VNN1: variants seen among roughly 807,000 people sequenced by gnomAD.
The protein encoded by VNN1 is pantetheinase.
Under a neutral mutation model 41.9 loss-of-function variants are expected in VNN1, and 29 were observed. That is an observed-to-expected ratio of 0.69 (90% CI 0.52 to 0.94). The LOEUF is 0.94. Ranked by LOEUF, VNN1 falls within the 40% of genes least tolerant of loss-of-function variation. The pLI is 0.00. For missense variants in VNN1, 637 were observed against 621.1 expected (o/e 1.03, Z -0.27); for synonymous variants, 233 against 224.4 (o/e 1.04, Z -0.34).
intron 4 of VNN1, 148 bp from the exon 5 acceptor site, chr6:132,692,732 CAG>C (rs1778311077): frequency 8.3e-7 from 1 of 1,208,134 alleles, no homozygotes. Flanking sequence ...CTGATAAAGA[CAG>C]AGAAGTGAGA....
intron 2 of VNN1, among the ~76,000 whole-genome samples, chr6:132,696,454 A>G (rs2114352614): frequency 6.6e-6 from 1 of 152,306 alleles, no homozygotes; most frequent in East Asian, 1.9e-4. Context: ...TAAAGATCCA[A>G]GAAGCTCAAC....
intron 2 of VNN1, among the ~76,000 whole-genome samples, chr6:132,707,904 G>C (rs1264397350): frequency 1.3e-5 from 2 of 152,068 alleles, no homozygotes; most frequent in Non-Finnish European, 2.9e-5. Flanking sequence ...TAACTTAATT[G>C]TACATTTTTA....
At chr6:132,703,203 T>C (rs1482103926) in intron 2 of VNN1, among the ~76,000 whole-genome samples, 1 of 151,956 alleles carries the variant, frequency 6.6e-6, no homozygotes, top group Non-Finnish European at 1.5e-5. Flanking sequence ...CAATAACCAA[T>C]AAGAAAGCAT....
At chr6:132,694,864 T>C (rs1778345905) in intron 2 of VNN1, among the ~76,000 whole-genome samples, 1 of 151,666 alleles carries the variant, frequency 6.6e-6, no homozygotes, top group African/African-American at 2.4e-5. Context: ...AAAAACAAAT[T>C]TTGGGGGGCC....
Position 132,684,500 on chromosome 6 carries a change from A to C in VNN1, c.1194T>G (p.Cys398Trp), listed in dbSNP as rs1182278912. ...TVEGRYYLQI[C>W]TLLKCKTTNL... is the part of the protein sequence containing the mutation. Reference sequence around the variant, plus strand: ...TAGTCGTTTTACATTTCAACAGGGTACAAATCTAGGGAAGTCATGAAAACC... The same window carrying C: ...TAGTCGTTTTACATTTCAACAGGGTCCAAATCTAGGGAAGTCATGAAAACC... The change falls in exon 6 of 7, where the codon TGT (cysteine) becomes TGG (tryptophan). Residue 398 changes from cysteine (C) to tryptophan (W), a missense_variant. Coordinates refer to ENST00000367928, the MANE Select transcript of VNN1 (RefSeq NM_004666.3). 6.2e-7 allele frequency: 1 copy of C among 1,613,770 alleles called. No homozygotes were observed. The highest frequency in any genetic ancestry group is 1.3e-5 in the African/African-American group (1 of 74,932).
intron 2 of VNN1, among the ~76,000 whole-genome samples, chr6:132,698,383 AC>A (rs1778402073): frequency 6.6e-6 from 1 of 152,242 alleles, no homozygotes; most frequent in African/African-American, 2.4e-5. Context: ...AACACAAAGC[AC>A]TATATTGGAC....
intron 2 of VNN1, among the ~76,000 whole-genome samples, chr6:132,702,924 A>G (rs1399781628): frequency 6.6e-6 from 1 of 152,210 alleles, no homozygotes; most frequent in Non-Finnish European, 1.5e-5. Flanking sequence ...TGCTGGTTTC[A>G]GGTGTGACCC....
intron 1 of VNN1, among the ~76,000 whole-genome samples, chr6:132,713,383 G>A (rs1485291430): frequency 1.3e-5 from 2 of 152,154 alleles, no homozygotes; most frequent in East Asian, 1.9e-4. Context: ...TATAATGCAT[G>A]CTGGCAAGGA....
rs374630341 is a variant in VNN1 at position 132,703,816 on chromosome 6, C to G, written c.341+7893G>C. ...GCAATGGTCGATTGTGTACAAGAAACACACTTCACTTATAAAGACACACAC... is the reference window on the plus strand; with the variant it reads ...GCAATGGTCGATTGTGTACAAGAAAGACACTTCACTTATAAAGACACACAC... On this transcript the variant is annotated intron_variant, in intron 2 of 6. Coordinates refer to ENST00000367928, the MANE Select transcript of VNN1 (RefSeq NM_004666.3). Among the ~76,000 whole-genome samples the G allele has an allele frequency of 8.7e-4, 133 of 152,024 alleles. 1 individual carries two copies. Among genetic ancestry groups the G allele is most frequent in the Middle Eastern group, 6.8e-3 (2 of 294 alleles).
chr6:132,699,233 A>ACTG, intron 2 of VNN1: 1 of 296,310 alleles, frequency 3.4e-6, no homozygotes. Flanking sequence ...GAAAGCTACT[A>ACTG]CTGCCTTTCA....
chr6:132,700,796 C>T (rs1008134339), intron 2 of VNN1, among the ~76,000 whole-genome samples: 2 of 152,172 alleles, frequency 1.3e-5, no homozygotes, highest in Non-Finnish European at 2.9e-5. Context: ...TCACATTTAA[C>T]AGTAATATTT....
intron 5 of VNN1, among the ~76,000 whole-genome samples, chr6:132,691,688 A>G (rs970777347): frequency 1.3e-5 from 2 of 152,162 alleles, no homozygotes; most frequent in Non-Finnish European, 2.9e-5. Context: ...TTGAACTGAC[A>G]TCTAAGGTTT....
intron 2 of VNN1, among the ~76,000 whole-genome samples, chr6:132,697,299 A>G (rs1778388316): frequency 6.6e-6 from 1 of 152,114 alleles, no homozygotes; most frequent in African/African-American, 2.4e-5. Flanking sequence ...ATAAAGATAA[A>G]TAGAACACGG....
intron 5 of VNN1, among the ~76,000 whole-genome samples, chr6:132,690,903 G>A (rs1778272935): frequency 6.6e-6 from 1 of 152,186 alleles, no homozygotes; most frequent in Admixed American, 6.5e-5. Context: ...AACTCATCTG[G>A]AGAGGTAGGA....
In VNN1 at chr6:132,682,966, C is replaced by T. The variant is rs1778148753; in HGVS notation, c.*174G>A. ...AATATAGTTTTTTAAATAAAATCTA[C>T]ATTAACAGATAATTTATTAAGTTTA... On this transcript the variant is annotated 3_prime_UTR_variant, in exon 7 of 7. Transcript: ENST00000367928. 1.7e-5 allele frequency: 8 copies of T among 461,660 alleles called. No individual in the cohort carries two copies. Among genetic ancestry groups the T allele is most frequent in the Middle Eastern group, 5.9e-4 (1 of 1,700 alleles). The allele number at this position is 461,660 out of a possible 1,614,324, so 28.6% of individuals were successfully genotyped here. A position where few individuals can be genotyped will look rare whatever the true frequency, so the allele number is the denominator to read the frequency against.
At chr6:132,686,272 C>A (rs993413601) in intron 5 of VNN1, among the ~76,000 whole-genome samples, 3 of 152,210 alleles carry the variant, frequency 2.0e-5, no homozygotes, top group Middle Eastern at 3.4e-3. Context: ...CATGGGGAAA[C>A]CCCATCTGTA....
In VNN1 at chr6:132,692,878, C is replaced by T. The variant is rs370772330; in HGVS notation, c.826+146G>A. On this transcript the variant is annotated intron_variant, in intron 4 of 6. Coordinates refer to ENST00000367928, the MANE Select transcript of VNN1 (RefSeq NM_004666.3). ...AAAACAATTTAGACTGAGATTGATTCTATAGCATATTAACAGCTAGATGTT... is the reference window on the plus strand; with the variant it reads ...AAAACAATTTAGACTGAGATTGATTTTATAGCATATTAACAGCTAGATGTT... The T allele has an allele frequency of 3.8e-5, 39 of 1,035,630 alleles. No individual in the cohort carries two copies. In the African/African-American group the frequency reaches 5.4e-4, roughly 14 times the overall value. The allele number at this position is 1,035,630 out of a possible 1,614,324, so 64.2% of individuals were successfully genotyped here. A position where few individuals can be genotyped will look rare whatever the true frequency, so the allele number is the denominator to read the frequency against.
At chr6:132,710,468 AC>A (rs1439277498) in intron 2 of VNN1, among the ~76,000 whole-genome samples, 1 of 151,958 alleles carries the variant, frequency 6.6e-6, no homozygotes, top group Non-Finnish European at 1.5e-5. Context: ...GGTTTGCTGC[AC>A]CCACCAACCC....
intron 2 of VNN1, among the ~76,000 whole-genome samples, chr6:132,701,876 A>G (rs1436736621): frequency 2.0e-5 from 3 of 152,224 alleles, no homozygotes; most frequent in African/African-American, 7.2e-5. Flanking sequence ...GTGGGACTTT[A>G]CATTGGAAGT....
Sources: gnomAD v4.1 joint callset for allele counts (sites outside exome capture counted in the v4.1 genomes callset) on GRCh38, gnomAD v4.1.1 for gene constraint, MANE v1.5 for transcripts, NCBI Gene and HGNC (gene_info 2026-07-23, HGNC 2026-07-21) for gene names.